UBAC1: variants seen among roughly 807,000 people sequenced by gnomAD.
The protein encoded by UBAC1 is UBA domain containing 1, also known as ubiquitin-associated domain-containing protein 1.
In UBAC1, 27 loss-of-function variants were observed where a neutral mutation model predicts 45.9. The observed-to-expected ratio is 0.59, with a 90% CI of 0.43 to 0.81. The LOEUF is 0.81. Ranked by LOEUF, UBAC1 falls within the 30% of genes least tolerant of loss-of-function variation. The probability of loss-of-function intolerance (pLI) is 0.00; values close to 1 mark genes in which losing one functional copy is unlikely to be tolerated. For synonymous variants in UBAC1, 227 were observed against 215.5 expected (o/e 1.05, Z -0.47); for missense variants, 529 against 539.2 (o/e 0.98, Z 0.19).
chr9:135,956,722 T>C (rs1206077696), intron 1 of UBAC1, among the ~76,000 whole-genome samples: 2 of 152,214 alleles, frequency 1.3e-5, no homozygotes, highest in Non-Finnish European at 2.9e-5. Flanking sequence ...TTTCACAAAA[T>C]ACCCACAGTT....
chr9:135,960,942 G>C (rs907042531), intron 1 of UBAC1, 83 bp downstream of exon 1: 11 of 1,286,228 alleles, frequency 8.6e-6, no homozygotes, highest in Non-Finnish European at 1.0e-5. Context: ...CCCAGGTCGG[G>C]GCGGTTCGGG....
chr9:135,937,618 G>T (rs1158835818), intron 9 of UBAC1, among the ~76,000 whole-genome samples: 2 of 152,096 alleles, frequency 1.3e-5, no homozygotes, highest in African/African-American at 4.8e-5. Flanking sequence ...GCAAATGAGA[G>T]ATTGTTTAAG....
At chr9:135,958,930 G>A (rs1003893264) in intron 1 of UBAC1, among the ~76,000 whole-genome samples, 2 of 152,172 alleles carry the variant, frequency 1.3e-5, no homozygotes, top group Admixed American at 6.5e-5. Context: ...TCAATTTAAA[G>A]TAGAATAATG....
intron 2 of UBAC1, among the ~76,000 whole-genome samples, chr9:135,954,608 A>G (rs541147536): frequency 6.6e-6 from 1 of 152,334 alleles, no homozygotes; most frequent in Admixed American, 6.5e-5. Flanking sequence ...CACGGCCCCA[A>G]TAATTGTGCA....
rs146489932 is a variant in UBAC1 at position 135,945,969 on chromosome 9, A to G, written c.573T>C (p.Arg191=). 1.2e-6 allele frequency: 2 copies of G among 1,613,724 alleles called. No homozygotes were observed. The highest frequency in any genetic ancestry group is 8.5e-7 in the Non-Finnish European group (1 of 1,179,902). The change falls in exon 6 of 10, where the codon CGT becomes CGC. Residue 191 remains arginine (R), a synonymous_variant. Coordinates refer to ENST00000371756, the MANE Select transcript of UBAC1 (RefSeq NM_016172.3). The part of the protein sequence containing the change: ...NAMLDEDEDE[R]VDEAALRQLT... ...GCTGCCGCAGGGCAGCCTCGTCCAC[A>G]CGCTCATCCTCGTCCTCGTCCAGCA...
At chr9:135,959,292 C>T (rs1259257416) in intron 1 of UBAC1, among the ~76,000 whole-genome samples, 2 of 151,700 alleles carry the variant, frequency 1.3e-5, no homozygotes, top group African/African-American at 4.8e-5. Flanking sequence ...TGGATATAAA[C>T]CGAACCCCTG....
At chr9:135,937,905 G>A (rs182117274) in intron 9 of UBAC1, among the ~76,000 whole-genome samples, 11 of 152,300 alleles carry the variant, frequency 7.2e-5, no homozygotes, top group East Asian at 1.9e-4. Flanking sequence ...TTGTCCTCCC[G>A]TGAGTTCCTA....
Position 135,939,765 on chromosome 9 carries a change from G to A in UBAC1, c.877-6C>T, listed in dbSNP as rs757343161. ...TCCATCAGGGAAATGACGGCCTAGAGGACAGCACAGCCGTTAGCTCGCTGG... is the reference window on the plus strand; with the variant it reads ...TCCATCAGGGAAATGACGGCCTAGAAGACAGCACAGCCGTTAGCTCGCTGG... On this transcript the variant is annotated splice_polypyrimidine_tract_variant and splice_region_variant and intron_variant, in intron 7 of 9. Transcript: ENST00000371756. 1.2e-6 allele frequency: 2 copies of A among 1,611,958 alleles called. No individual in the cohort carries two copies. The highest frequency in any genetic ancestry group is 8.5e-7 in the Non-Finnish European group (1 of 1,178,616).
At chr9:135,958,987 A>AT in intron 1 of UBAC1, among the ~76,000 whole-genome samples, 1 of 152,352 alleles carries the variant, frequency 6.6e-6, no homozygotes, top group South Asian at 2.1e-4. Flanking sequence ...GGAATAATAT[A>AT]TATCAGGAGT....
At chr9:135,959,554 T>C (rs1839507798) in intron 1 of UBAC1, among the ~76,000 whole-genome samples, 1 of 152,086 alleles carries the variant, frequency 6.6e-6, no homozygotes, top group African/African-American at 2.4e-5. Context: ...TTTTGTATTT[T>C]AGTTGAGACG....
intron 3 of UBAC1, among the ~76,000 whole-genome samples, chr9:135,949,269 G>C (rs1244869786): frequency 6.6e-6 from 1 of 152,080 alleles, no homozygotes; most frequent in Non-Finnish European, 1.5e-5. Flanking sequence ...ATAAAATCAA[G>C]GAATCCCTCA....
chr9:135,938,373 G>T lies in UBAC1; in HGVS notation c.964-13C>A. ...GCAGCCACTCGCACTGCAAAGCCAAGAGCACCAATACCACTGTTAGCGCCT... is the reference window on the plus strand; with the variant it reads ...GCAGCCACTCGCACTGCAAAGCCAATAGCACCAATACCACTGTTAGCGCCT... On this transcript the variant is annotated splice_polypyrimidine_tract_variant and intron_variant, in intron 8 of 9. Transcript: ENST00000371756. 1 of 1,612,124 alleles carries T rather than the reference G, an allele frequency of 6.2e-7. No homozygotes were observed. The highest frequency in any genetic ancestry group is 8.5e-7 in the Non-Finnish European group (1 of 1,179,676).
chr9:135,935,417 G>A (rs180703097), intron 9 of UBAC1, among the ~76,000 whole-genome samples: 4 of 152,150 alleles, frequency 2.6e-5, no homozygotes, highest in Admixed American at 2.0e-4. Context: ...AGGCAGAGGT[G>A]GGGGGAGCGC....
rs750278348 is a variant in UBAC1, at chr9:135,933,455, G to A, written c.1163C>T (p.Thr388Met). 19 of 1,613,996 alleles carry A rather than the reference G, an allele frequency of 1.2e-5. No individual in the cohort carries two copies. The East Asian group carries it at 1.6e-4, about 13-fold the overall frequency. The change falls in exon 10 of 10, where the codon ACG becomes ATG. Residue 388 changes from threonine (T) to methionine (M), a missense_variant. Coordinates refer to ENST00000371756, the MANE Select transcript of UBAC1 (RefSeq NM_016172.3). ...NSTQWMNDPE[T>M]GPVMLQISRI... is the part of the protein sequence containing the mutation. ...AGAGATCTGCAGCATGACAGGCCCC[G>A]TTTCTGGATCATTCATCCACTGGGT... is the stretch of plus-strand genomic sequence containing the variant.
At chr9:135,951,786 G>A (rs890338650) in intron 3 of UBAC1, among the ~76,000 whole-genome samples, 3 of 151,474 alleles carry the variant, frequency 2.0e-5, no homozygotes, top group Non-Finnish European at 4.4e-5. Context: ...CTCTAGCTTG[G>A]GTAACAAAAG....
chr9:135,943,541 CAT>C (rs775604863), intron 7 of UBAC1, among the ~76,000 whole-genome samples: 10 of 152,316 alleles, frequency 6.6e-5, no homozygotes, highest in South Asian at 4.1e-4. Flanking sequence ...CTGTGGAAGA[CAT>C]GTGGTGATTC....
chr9:135,945,765 A>G, intron 6 of UBAC1, 124 bp downstream of exon 6: 1 of 727,142 alleles, frequency 1.4e-6, no homozygotes. Flanking sequence ...ACCTCTTCAA[A>G]ACCCCACGTT....
chr9:135,954,508 G>C (rs1029431797), intron 2 of UBAC1, among the ~76,000 whole-genome samples: 17 of 152,304 alleles, frequency 1.1e-4, no homozygotes, highest in African/African-American at 3.9e-4. Flanking sequence ...CCTCACTTTT[G>C]CATGATATCT....
chr9:135,946,491 G>C (rs928993154), intron 4 of UBAC1, 120 bp from the exon 5 acceptor site: 1 of 700,758 alleles, frequency 1.4e-6, no homozygotes, highest in Non-Finnish European at 2.5e-6. Context: ...TTGCTTTCTT[G>C]CAAGACAGCA....
Sources: gnomAD v4.1 joint callset for allele counts (sites outside exome capture counted in the v4.1 genomes callset) on GRCh38, gnomAD v4.1.1 for gene constraint, MANE v1.5 for transcripts, NCBI Gene and HGNC (gene_info 2026-07-23, HGNC 2026-07-21) for gene names.